MGAT4C: variants seen among roughly 807,000 people sequenced by gnomAD.
MGAT4C encodes the protein MGAT4 family member C, also known as alpha-1,3-mannosyl-glycoprotein 4-beta-N-acetylglucosaminyltransferase C.
In MGAT4C, 19 loss-of-function variants were observed where a neutral mutation model predicts 40.1. The ratio of observed to expected loss-of-function variants is 0.47; its 90% CI spans 0.33 to 0.70. MGAT4C has a LOEUF of 0.70. MGAT4C is among the 30% of genes least tolerant of loss of function. MGAT4C has a pLI of 0.02. For synonymous variants in MGAT4C, 181 were observed against 187.1 expected, an observed-to-expected ratio of 0.97 and a Z score of 0.27; for missense variants, 491 against 563.2, an observed-to-expected ratio of 0.87 and a Z score of 1.30.
At chr12:86,117,972 G>GA (rs991535768) in intron 1 of MGAT4C, among the ~76,000 whole-genome samples, 1 of 151,836 alleles carries the variant, frequency 6.6e-6, no homozygotes, top group Non-Finnish European at 1.5e-5. Flanking sequence ...TGCATAACTA[G>GA]AAAAAAATCA....
At chr12:86,071,053 T>C (rs1502802) in intron 1 of MGAT4C, among the ~76,000 whole-genome samples, 35,686 of 151,848 alleles carry the variant, frequency 0.24, 4,744 homozygotes, top group East Asian at 0.63. Context: ...TCCTAAGTAA[T>C]ATTACTTTTA....
At chr12:86,101,467 TAGTAA>T (rs1296374669) in intron 1 of MGAT4C, among the ~76,000 whole-genome samples, 8 of 151,748 alleles carry the variant, frequency 5.3e-5, no homozygotes, top group Admixed American at 6.6e-5. Context: ...GGAGTTGAGA[TAGTAA>T]AGTAAAGATA....
intron 1 of MGAT4C, among the ~76,000 whole-genome samples, chr12:86,802,357 G>C (rs930072707): frequency 6.6e-6 from 1 of 151,760 alleles, no homozygotes; most frequent in Non-Finnish European, 1.5e-5. Context: ...TAAATATTCT[G>C]TTCCTTTTGA....
rs549097000 is a variant in MGAT4C, at chr12:85,959,408, T to C, written c.*19881A>G. The C allele has an allele frequency of 6.6e-6, 1 of 152,204 alleles. No individual in the cohort carries two copies. The highest frequency in any genetic ancestry group is 1.9e-4 in the East Asian group (1 of 5,178). 9.4% of individuals were successfully genotyped at this position (152,204 alleles called of 1,614,324 possible). On this transcript the variant is annotated 3_prime_UTR_variant, in exon 5 of 5. Transcript: ENST00000611864. ...CAAGTTATAGATTTTTCTTTTTTCC[T>C]TTTCTCTTCCCCTTTCTCTCTCTTT... is the stretch of plus-strand genomic sequence containing the variant.
chr12:86,381,181 C>T (rs1178707335), intron 3 of MGAT4C, among the ~76,000 whole-genome samples: 1 of 152,036 alleles, frequency 6.6e-6, no homozygotes. Flanking sequence ...GTTCATTTGT[C>T]ACGTGGCTGT....
intron 2 of MGAT4C, among the ~76,000 whole-genome samples, chr12:86,501,153 T>C (rs1028011247): frequency 2.0e-5 from 3 of 152,012 alleles, no homozygotes; most frequent in African/African-American, 4.8e-5. Context: ...GAATAAATTC[T>C]GAACTCTACA....
At chr12:86,641,350 T>C (rs1294734092) in intron 2 of MGAT4C, among the ~76,000 whole-genome samples, 2 of 150,200 alleles carry the variant, frequency 1.3e-5, no homozygotes, top group African/African-American at 4.9e-5. Flanking sequence ...AGGGGAACAT[T>C]ACACTCTGGG....
intron 2 of MGAT4C, among the ~76,000 whole-genome samples, chr12:86,625,120 T>A (rs1962762443): frequency 6.6e-6 from 1 of 152,026 alleles, no homozygotes; most frequent in Non-Finnish European, 1.5e-5. Flanking sequence ...TATTCATAAG[T>A]GGCTCTTTTT....
At chr12:86,393,407 G>A (rs1283247185) in intron 3 of MGAT4C, among the ~76,000 whole-genome samples, 2 of 152,102 alleles carry the variant, frequency 1.3e-5, no homozygotes, top group Non-Finnish European at 2.9e-5. Flanking sequence ...GAATACAAGG[G>A]ATCATACAAT....
intron 1 of MGAT4C, among the ~76,000 whole-genome samples, chr12:86,238,894 T>C (rs1951661141): frequency 6.6e-6 from 1 of 151,976 alleles, no homozygotes; most frequent in Non-Finnish European, 1.5e-5. Context: ...CATGGGTTTT[T>C]TGGCTGTCTA....
At chr12:86,808,940 G>C (rs1057378075) in intron 1 of MGAT4C, among the ~76,000 whole-genome samples, 1 of 151,974 alleles carries the variant, frequency 6.6e-6, no homozygotes, top group Admixed American at 6.6e-5. Context: ...AAAGTCTCAG[G>C]ATACAAAGTC....
intron 2 of MGAT4C, among the ~76,000 whole-genome samples, chr12:86,564,389 G>T (rs537488225): frequency 6.6e-6 from 1 of 152,018 alleles, no homozygotes; most frequent in East Asian, 1.9e-4. Context: ...GTACCTCAGG[G>T]GTATATCAAC....
chr12:86,557,025 G>A (rs1385129163), intron 2 of MGAT4C, among the ~76,000 whole-genome samples: 2 of 152,072 alleles, frequency 1.3e-5, no homozygotes, highest in African/African-American at 2.4e-5. Context: ...AGGAAAAAAT[G>A]TAAAAACATC....
At chr12:86,259,403 T>A (rs1296682529), upstream of MGAT4C, among the ~76,000 whole-genome samples, 1 of 152,000 alleles carries the variant, frequency 6.6e-6, no homozygotes, top group African/African-American at 2.4e-5. Context: ...ACTAAAATAA[T>A]ATTATTAAGA....
intron 1 of MGAT4C, among the ~76,000 whole-genome samples, chr12:86,736,567 C>T (rs973407765): frequency 2.6e-5 from 4 of 151,744 alleles, no homozygotes; most frequent in Admixed American, 6.6e-5. Context: ...CACCAGTGAA[C>T]GAGCCTGGAG....
At chr12:86,616,299 CTG>C (rs1225069733) in intron 2 of MGAT4C, among the ~76,000 whole-genome samples, 1 of 152,042 alleles carries the variant, frequency 6.6e-6, no homozygotes, top group Non-Finnish European at 1.5e-5. Context: ...GAGTAGATAT[CTG>C]TGTTTTGCAA....
chr12:86,492,616 C>A (rs1183813757), intron 2 of MGAT4C, among the ~76,000 whole-genome samples: 3 of 152,178 alleles, frequency 2.0e-5, no homozygotes, highest in Non-Finnish European at 2.9e-5. Flanking sequence ...GAAACTGGAT[C>A]TCTTCCTTAC....
intron 3 of MGAT4C, among the ~76,000 whole-genome samples, chr12:86,362,073 C>T (rs61949467): frequency 0.085 from 12,905 of 152,234 alleles, 761 homozygotes; most frequent in Middle Eastern, 0.22. Context: ...ATAGCAAAGA[C>T]TTGGAACCAA....
intron 2 of MGAT4C, among the ~76,000 whole-genome samples, chr12:86,681,050 A>G (rs901284420): frequency 6.6e-6 from 1 of 151,980 alleles, no homozygotes; most frequent in East Asian, 1.9e-4. Context: ...TTAAATAAAA[A>G]TTATGAGAAA....
Sources: allele counts gnomAD v4.1 joint callset (sites outside exome capture counted in the v4.1 genomes callset), GRCh38; gene constraint gnomAD v4.1.1; transcripts MANE v1.5; gene names NCBI Gene and HGNC (gene_info 2026-07-23, HGNC 2026-07-21).